Variants in KALRN observed in about 807,000 individuals in gnomAD.
KALRN encodes the protein kalirin RhoGEF kinase.
A neutral mutation model predicts 353.7 loss-of-function variants in KALRN; 70 were observed. That is an observed-to-expected ratio of 0.20 (90% CI 0.16 to 0.24). The LOEUF (loss-of-function observed/expected upper bound fraction) is 0.24, where lower values mean the gene tolerates loss of function less well. Among genes scored for constraint, KALRN ranks in the 10% least tolerant of loss-of-function variants. The pLI is 1.00. For synonymous variants in KALRN, 1,391 were observed against 1,434.8 expected, an observed-to-expected ratio of 0.97 and a Z score of 0.69; for missense variants, 2,791 against 3,756.7, an observed-to-expected ratio of 0.74 and a Z score of 6.72.
intron 34 of KALRN, among the ~76,000 whole-genome samples, chr3:124,617,498 C>T (rs978990532): frequency 4.6e-5 from 7 of 152,110 alleles, no homozygotes; most frequent in African/African-American, 1.4e-4. Context: ...GGGCTTACAA[C>T]GAAGAAGTCC....
In KALRN at chr3:124,455,212, G is replaced by A. The variant is rs1194921477; in HGVS notation, c.3588G>A (p.Leu1196=). Residue 1196 remains leucine (L), a synonymous_variant, in exon 22 of 60, where the codon CTG becomes CTA. Coordinates refer to ENST00000682506, the MANE Select transcript of KALRN (RefSeq NM_001388419.1). The part of the protein sequence containing the change: ...TKEKVKLLIQ[L]ADSFVEKGHI... ...AGAAGGTGAAGCTTCTGATTCAGCT[G>A]GCCGATAGCTTTGTGGAAAAAGGCC... 1 of 1,614,134 alleles carries A rather than the reference G, an allele frequency of 6.2e-7. No individual in the cohort carries two copies. Among genetic ancestry groups the A allele is most frequent in the South Asian group, 1.1e-5 (1 of 91,076 alleles).
chr3:124,411,097 A>G (rs1447218902), intron 13 of KALRN, among the ~76,000 whole-genome samples: 2 of 152,230 alleles, frequency 1.3e-5, no homozygotes, highest in East Asian at 1.9e-4. Flanking sequence ...AGATGTTTAA[A>G]AAAAAATTCT....
intron 34 of KALRN, among the ~76,000 whole-genome samples, chr3:124,625,516 T>C (rs1490546805): frequency 6.6e-6 from 1 of 151,162 alleles, no homozygotes; most frequent in Non-Finnish European, 1.5e-5. Flanking sequence ...AGCTCAGGAG[T>C]TCGAAACCAG....
At chr3:124,174,882 G>A (rs1442590141) in intron 1 of KALRN, among the ~76,000 whole-genome samples, 2 of 152,202 alleles carry the variant, frequency 1.3e-5, no homozygotes, top group Admixed American at 6.5e-5. Flanking sequence ...CTCGGTTTCC[G>A]TAAGCTAGTC....
At chr3:124,565,062 A>T (rs2072632088) in intron 34 of KALRN, among the ~76,000 whole-genome samples, 1 of 152,196 alleles carries the variant, frequency 6.6e-6, no homozygotes, top group South Asian at 2.1e-4. Flanking sequence ...GAACATATTT[A>T]AAACACTCCG....
At chr3:124,125,815 A>T (rs1225286159) in intron 1 of KALRN, among the ~76,000 whole-genome samples, 1 of 152,204 alleles carries the variant, frequency 6.6e-6, no homozygotes, top group Non-Finnish European at 1.5e-5. Flanking sequence ...TGTTGTTAAG[A>T]GCCTGGATGA....
intron 48 of KALRN, among the ~76,000 whole-genome samples, chr3:124,673,517 T>G (rs1021323091): frequency 2.7e-5 from 4 of 150,884 alleles, no homozygotes; most frequent in African/African-American, 4.9e-5. Flanking sequence ...TGTATATACA[T>G]ATAGAATATA....
At chr3:124,128,824 C>T (rs1442908642) in intron 1 of KALRN, among the ~76,000 whole-genome samples, 2 of 152,100 alleles carry the variant, frequency 1.3e-5, no homozygotes, top group Non-Finnish European at 2.9e-5. Flanking sequence ...TCCTTTTCAA[C>T]TGGTCCTGAA....
intron 10 of KALRN, among the ~76,000 whole-genome samples, chr3:124,359,815 C>G (rs1172310867): frequency 6.6e-6 from 1 of 152,298 alleles, no homozygotes; most frequent in East Asian, 1.9e-4. Flanking sequence ...AAGCTTCACT[C>G]CCTTCCAGGC....
chr3:124,155,925 G>A (rs965056195), intron 1 of KALRN, among the ~76,000 whole-genome samples: 3 of 152,074 alleles, frequency 2.0e-5, no homozygotes, highest in South Asian at 4.2e-4. Flanking sequence ...GTGTCCAGCC[G>A]CTTCTGGCAA....
chr3:124,070,112 T>C (rs1441165394), intron 1 of KALRN, among the ~76,000 whole-genome samples: 3 of 152,162 alleles, frequency 2.0e-5, no homozygotes, highest in African/African-American at 7.2e-5. Context: ...GAGACGAAGA[T>C]AGGATTACAG....
At chr3:124,258,894 G>A (rs2072444466) in intron 3 of KALRN, among the ~76,000 whole-genome samples, 1 of 152,198 alleles carries the variant, frequency 6.6e-6, no homozygotes, top group African/African-American at 2.4e-5. Flanking sequence ...GGATGGTTGA[G>A]TACATGGATG....
intron 1 of KALRN, among the ~76,000 whole-genome samples, chr3:124,044,711 A>G (rs2040268971): frequency 6.6e-6 from 1 of 152,178 alleles, no homozygotes. Flanking sequence ...ATTACTAGTA[A>G]TGTGGTATTA....
intron 25 of KALRN, among the ~76,000 whole-genome samples, chr3:124,473,653 C>T (rs141548440): frequency 1.4e-4 from 21 of 152,250 alleles, no homozygotes; most frequent in South Asian, 4.1e-4. Context: ...ATAGTTTAAA[C>T]GCTTTGTTCT....
intron 5 of KALRN, among the ~76,000 whole-genome samples, chr3:124,286,651 G>A (rs2075940283): frequency 6.6e-6 from 1 of 152,148 alleles, no homozygotes; most frequent in Non-Finnish European, 1.5e-5. Context: ...CTTAAGTTCA[G>A]TATTATACTC....
At chr3:124,542,312 G>A (rs192520105) in intron 33 of KALRN, among the ~76,000 whole-genome samples, 6 of 152,300 alleles carry the variant, frequency 3.9e-5, no homozygotes, top group Admixed American at 3.3e-4. Flanking sequence ...GTAGCCGTGT[G>A]ACTTGGAGCA....
chr3:124,216,838 T>A (rs913713846), intron 1 of KALRN, among the ~76,000 whole-genome samples: 1 of 152,236 alleles, frequency 6.6e-6, no homozygotes, highest in African/African-American at 2.4e-5. Context: ...TTGTTGTTTA[T>A]CTCCAGCAAA....
rs374738902 is a variant in KALRN at position 124,666,985 on chromosome 3, A to G, written c.6532-27A>G. 3.2e-6 allele frequency: 5 copies of G among 1,570,976 alleles called. No individual in the cohort carries two copies. In the African/African-American group the frequency reaches 6.8e-5, roughly 21 times the overall value. ...GATTTTTAAAAAATCTTTTAAATGT[A>G]AAAAGGATCAACTCGTTTTCTTCCA... On this transcript the variant is annotated intron_variant, in intron 46 of 59. Coordinates refer to ENST00000682506, the MANE Select transcript of KALRN (RefSeq NM_001388419.1).
intron 5 of KALRN, among the ~76,000 whole-genome samples, chr3:124,274,791 G>A (rs1212761981): frequency 6.6e-6 from 1 of 152,094 alleles, no homozygotes; most frequent in Non-Finnish European, 1.5e-5. Context: ...CAGAGACTGT[G>A]GCCTCCGTGG....
Sources: gnomAD v4.1 joint callset for allele counts (sites outside exome capture counted in the v4.1 genomes callset) on GRCh38, gnomAD v4.1.1 for gene constraint, MANE v1.5 for transcripts, NCBI Gene and HGNC (gene_info 2026-07-23, HGNC 2026-07-21) for gene names.